Variants in CDH13 observed in about 807,000 individuals in gnomAD.
CDH13 encodes cadherin 13.
Under a neutral mutation model 63.8 loss-of-function variants are expected in CDH13, and 24 were observed. The ratio of observed to expected loss-of-function variants is 0.38; its 90% confidence interval spans 0.27 to 0.53. The LOEUF (loss-of-function observed/expected upper bound fraction) is 0.53. CDH13 is among the 20% of genes least tolerant of loss of function. The probability of loss-of-function intolerance (pLI) is 0.85; values close to 1 mark genes in which losing one functional copy is unlikely to be tolerated. For synonymous variants in CDH13, 503 were observed against 355.3 expected (o/e 1.42, Z -4.67); for missense variants, 1,049 against 903.1 (o/e 1.16, Z -2.07).
intron 2 of CDH13, among the ~76,000 whole-genome samples, chr16:82,869,983 G>GTA (rs1217333803): frequency 6.6e-6 from 1 of 152,048 alleles, no homozygotes; most frequent in African/African-American, 2.4e-5. Context: ...AAATGGGATC[G>GTA]TACCAAGTTA....
At chr16:82,781,696 C>T (rs145484736) in intron 1 of CDH13, among the ~76,000 whole-genome samples, 182 of 152,312 alleles carry the variant, frequency 1.2e-3, no homozygotes, top group African/African-American at 4.3e-3. Flanking sequence ...ACTTACCTCC[C>T]CTCTCATCCA....
intron 6 of CDH13, among the ~76,000 whole-genome samples, chr16:83,441,903 G>T (rs548315737): frequency 1.2e-4 from 18 of 152,176 alleles, no homozygotes; most frequent in Non-Finnish European, 2.5e-4. Flanking sequence ...AAATATAGAA[G>T]TTCATTGATA....
intron 6 of CDH13, among the ~76,000 whole-genome samples, chr16:83,471,961 A>G (rs1164607821): frequency 6.6e-6 from 1 of 152,212 alleles, no homozygotes. Flanking sequence ...TTTAAAAAAT[A>G]TCATTTCACA....
intron 6 of CDH13, among the ~76,000 whole-genome samples, chr16:83,426,518 CA>C (rs2151477504): frequency 6.8e-6 from 1 of 147,002 alleles, no homozygotes; most frequent in African/African-American, 2.5e-5. Flanking sequence ...ATCACACACA[CA>C]CACACACACA....
chr16:83,109,300 G>A (rs1256332985), intron 3 of CDH13, among the ~76,000 whole-genome samples: 1 of 152,036 alleles, frequency 6.6e-6, no homozygotes, highest in African/African-American at 2.4e-5. Context: ...GCAGTATGGT[G>A]GGAACCAAAG....
chr16:82,997,404 T>G (rs1912368475), intron 2 of CDH13, among the ~76,000 whole-genome samples: 1 of 152,154 alleles, frequency 6.6e-6, no homozygotes, highest in African/African-American at 2.4e-5. Flanking sequence ...GGTCCAAATT[T>G]AAAGGGATAC....
In CDH13 at chr16:83,044,975, T is replaced by C. The variant is rs957828718; in HGVS notation, c.366+12757T>C. Among the ~76,000 whole-genome samples the C allele has an allele frequency of 2.0e-5, 3 of 152,340 alleles. No homozygotes were observed. In the East Asian group the frequency reaches 5.8e-4, roughly 29 times the overall value. ...GATATGCTTCTACCCTCCTATCTCT[T>C]GTTATTACCATAAATCAAATACTAG... is the stretch of plus-strand genomic sequence containing the variant. On this transcript the variant is annotated intron_variant, in intron 3 of 13. Coordinates refer to ENST00000567109, the MANE Select transcript of CDH13 (RefSeq NM_001257.5).
chr16:83,754,262 G>T (rs1913323657), intron 11 of CDH13, among the ~76,000 whole-genome samples: 2 of 152,192 alleles, frequency 1.3e-5, no homozygotes, highest in Admixed American at 1.3e-4. Context: ...AAAGGATGGG[G>T]TGTGGGATGG....
At chr16:83,023,653 C>T (rs2151459183) in intron 2 of CDH13, among the ~76,000 whole-genome samples, 1 of 152,232 alleles carries the variant, frequency 6.6e-6, no homozygotes, top group African/African-American at 2.4e-5. Flanking sequence ...TCAGTTTTGT[C>T]CTTAAATATG....
intron 2 of CDH13, among the ~76,000 whole-genome samples, chr16:82,894,149 C>G (rs1320344829): frequency 6.6e-6 from 1 of 152,168 alleles, no homozygotes; most frequent in Non-Finnish European, 1.5e-5. Flanking sequence ...ATAGGACAGG[C>G]CAGTTTTGTT....
intron 5 of CDH13, among the ~76,000 whole-genome samples, chr16:83,271,402 G>A (rs762138320): frequency 1.5e-4 from 13 of 85,828 alleles, no homozygotes; most frequent in South Asian, 1.3e-3. Flanking sequence ...CAGCTCTACC[G>A]CACATTGAGG....
At chr16:82,645,786 T>C (rs1158580780) in intron 1 of CDH13, among the ~76,000 whole-genome samples, 1 of 152,206 alleles carries the variant, frequency 6.6e-6, no homozygotes, top group Non-Finnish European at 1.5e-5. Flanking sequence ...GACTCTTGGG[T>C]AAATACGCAC....
intron 13 of CDH13, among the ~76,000 whole-genome samples, chr16:83,785,913 G>C (rs765345482): frequency 9.2e-5 from 14 of 152,188 alleles, no homozygotes; most frequent in Non-Finnish European, 1.9e-4. Flanking sequence ...CATTCTAACA[G>C]TGTCCTCCAA....
At chr16:83,334,576 A>G (rs1046363878) in intron 5 of CDH13, among the ~76,000 whole-genome samples, 1 of 151,170 alleles carries the variant, frequency 6.6e-6, no homozygotes, top group Non-Finnish European at 1.5e-5. Flanking sequence ...CAGTCTCTCT[A>G]CATTGCTCAG....
chr16:83,018,617 G>A lies in CDH13; in HGVS notation c.158-13393G>A, dbSNP rs148416511. On this transcript the variant is annotated intron_variant, in intron 2 of 13. Coordinates refer to ENST00000567109, the MANE Select transcript of CDH13 (RefSeq NM_001257.5). ...CTTTAGGCCCCTCCAGTATGGTCAT[G>A]CATTGTTTAACCATAGGGATATGCT... Among the ~76,000 whole-genome samples, 805 of 152,276 alleles carry A rather than the reference G, an allele frequency of 5.3e-3. 24 individuals carry two copies. Among genetic ancestry groups the A allele is most frequent in the Non-Finnish European group, 1.5e-3 (103 of 68,020 alleles).
intron 2 of CDH13, among the ~76,000 whole-genome samples, chr16:82,989,933 C>T (rs1020866811): frequency 6.9e-6 from 1 of 144,170 alleles, no homozygotes. Context: ...GCAAATTTCT[C>T]ATCAGTCCCA....
intron 5 of CDH13, among the ~76,000 whole-genome samples, chr16:83,252,129 C>CACACACACACAT (rs377101317): frequency 0.016 from 1,402 of 89,086 alleles, 23 homozygotes; most frequent in African/African-American, 0.051. Context: ...CACACACACA[C>CACACACACACAT]ATATATATGT....
chr16:83,113,249 C>T (rs964186362), intron 3 of CDH13, among the ~76,000 whole-genome samples: 1 of 152,222 alleles, frequency 6.6e-6, no homozygotes, highest in Non-Finnish European at 1.5e-5. Flanking sequence ...GGCAGCTTTA[C>T]TCTTATTAGA....
chr16:82,751,748 C>A (rs912113875), intron 1 of CDH13, among the ~76,000 whole-genome samples: 1 of 151,286 alleles, frequency 6.6e-6, no homozygotes, highest in Non-Finnish European at 1.5e-5. Flanking sequence ...GACAAGAGAT[C>A]GCACGTTTTC....
Sources: allele counts gnomAD v4.1 joint callset (sites outside exome capture counted in the v4.1 genomes callset), GRCh38; gene constraint gnomAD v4.1.1; transcripts MANE v1.5; gene names NCBI Gene and HGNC (gene_info 2026-07-23, HGNC 2026-07-21).